The following TAF12 variants were observed in gnomAD, a reference collection of about 807,000 sequenced individuals.
TAF12 encodes the protein transcription initiation factor TFIID subunit 12.
A neutral mutation model predicts 20.8 loss-of-function variants in TAF12; 3 were observed. The ratio of observed to expected loss-of-function variants is 0.14; its 90% CI spans 0.07 to 0.37. TAF12 has a LOEUF of 0.37. Ranked by LOEUF, TAF12 falls within the 10% of genes least tolerant of loss-of-function variation. The pLI is 1.00. For synonymous variants in TAF12, 69 were observed against 70.2 expected (o/e 0.98, Z 0.09); for missense variants, 131 against 197.9 (o/e 0.66, Z 2.03).
rs1241899287 is a variant in TAF12, at chr1:28,621,991, T to C, written c.91A>G (p.Met31Val). The C allele has an allele frequency of 1.2e-6, 2 of 1,614,120 alleles. No individual in the cohort carries two copies. Among genetic ancestry groups the C allele is most frequent in the Non-Finnish European group, 1.7e-6 (2 of 1,180,026 alleles). ...TTTACCACTGCAGTACTATTGGCCA[T>C]GGAGCCTTGTGGAGGGGTGCTGGCT... is the stretch of plus-strand genomic sequence containing the variant. ...EPASTPPQGS[M>V]ANSTAVVKIP... The change falls in exon 2 of 6, where the codon ATG becomes GTG. Residue 31 changes from methionine (M) to valine (V), a missense_variant. Met to Val is a conservative substitution (Grantham distance 21, BLOSUM62 1). Coordinates refer to ENST00000373824, the MANE Select transcript of TAF12 (RefSeq NM_005644.4).
intron 1 of TAF12, chr1:28,642,629 C>T: frequency 1.0e-6 from 1 of 985,310 alleles, no homozygotes; most frequent in African/African-American, 1.7e-5. Flanking sequence ...TCTTAGGAGC[C>T]CAAGTCCTCA....
At chr1:28,632,876 AT>A (rs1463726290) in intron 1 of TAF12, among the ~76,000 whole-genome samples, 2 of 151,816 alleles carry the variant, frequency 1.3e-5, no homozygotes, top group African/African-American at 4.8e-5. Flanking sequence ...AAAAATATGT[AT>A]TTTTTTGGTG....
upstream of TAF12, chr1:28,643,448 C>A (rs1364022769): frequency 6.6e-6 from 1 of 152,140 alleles, no homozygotes; most frequent in Non-Finnish European, 1.5e-5. Context: ...GGACACATTA[C>A]CCCACAGGTA....
intron 2 of TAF12, among the ~76,000 whole-genome samples, chr1:28,619,350 T>G (rs534378655): frequency 6.7e-6 from 1 of 149,016 alleles, no homozygotes; most frequent in South Asian, 2.1e-4. Context: ...AAAAAAAAAT[T>G]AGCCAGGCGT....
intron 1 of TAF12, among the ~76,000 whole-genome samples, chr1:28,635,601 G>A (rs971542669): frequency 2.7e-5 from 4 of 148,470 alleles, no homozygotes; most frequent in Admixed American, 2.0e-4. Context: ...CACTGCACCC[G>A]GCCTATCCTC....
Position 28,605,423 on chromosome 1 carries a change from A to G in TAF12, c.399T>C (p.Ser133=), listed in dbSNP as rs750731720. Residue 133 remains serine (S), a synonymous_variant, in exon 5 of 6, where the codon TCT becomes TCC. Coordinates refer to ENST00000373824, the MANE Select transcript of TAF12 (RefSeq NM_005644.4). ...QWNMWIPGFG[S]EEIRPYKKAC... is the part of the protein sequence containing the mutation. ...CTTTTTTGTAGGGTCGGATTTCTTCAGAGCCAAATCCTGGGATCCACATGT... is the reference window on the plus strand; with the variant it reads ...CTTTTTTGTAGGGTCGGATTTCTTCGGAGCCAAATCCTGGGATCCACATGT... 6.2e-7 allele frequency: 1 copy of G among 1,614,008 alleles called. No individual in the cohort carries two copies. Among genetic ancestry groups the G allele is most frequent in the African/African-American group, 1.3e-5 (1 of 74,904 alleles).
At chr1:28,621,820 AAGC>A (rs1283809684) in intron 2 of TAF12, 91 bp downstream of exon 2, 19 of 1,510,174 alleles carry the variant, frequency 1.3e-5, no homozygotes, top group South Asian at 2.6e-5. Context: ...TAAGAGAAAA[AAGC>A]AGCATCTGAG....
intron 2 of TAF12, among the ~76,000 whole-genome samples, chr1:28,619,959 AAGAG>A (rs1182291595): frequency 3.8e-4 from 57 of 151,824 alleles, no homozygotes; most frequent in African/African-American, 1.3e-3. Context: ...AAAAAAAAAA[AAGAG>A]AGAGAGACAG....
rs1402711263 is a variant in TAF12 at position 28,633,440 on chromosome 1, T to G, written c.-85+9552A>C. 3.3e-4 allele frequency among the ~76,000 whole-genome samples: 49 copies of G among 148,428 alleles called. No individual in the cohort carries two copies. The East Asian group carries it at 0.01, about 30-fold the overall frequency. On this transcript the variant is annotated intron_variant, in intron 1 of 5. Coordinates refer to ENST00000373824, the MANE Select transcript of TAF12 (RefSeq NM_005644.4). ...GCCTCAGCCTCCCAAAGTGCTGGGATTACAGGCATGAGACACTGTATCCAA... is the reference window on the plus strand; with the variant it reads ...GCCTCAGCCTCCCAAAGTGCTGGGAGTACAGGCATGAGACACTGTATCCAA...
rs1667227570 is a variant in TAF12, at chr1:28,621,762, C to T, written c.168+152G>A. ...AATAAACTCTCTACTTATATTAAAACAAACAAAAAAAGTTAGAAATCCAAA... is the reference window on the plus strand; with the variant it reads ...AATAAACTCTCTACTTATATTAAAATAAACAAAAAAAGTTAGAAATCCAAA... On this transcript the variant is annotated intron_variant, in intron 2 of 5. Coordinates refer to ENST00000373824, the MANE Select transcript of TAF12 (RefSeq NM_005644.4). 9 of 1,234,678 alleles carry T rather than the reference C, an allele frequency of 7.3e-6. No homozygotes were observed. In the South Asian group the frequency reaches 1.5e-4, roughly 20 times the overall value. 76.5% of individuals were successfully genotyped at this position (1,234,678 alleles called of 1,614,324 possible). A position where few individuals can be genotyped will look rare whatever the true frequency, so the allele number is the denominator to read the frequency against.
intron 1 of TAF12, among the ~76,000 whole-genome samples, chr1:28,638,925 G>A (rs553860032): frequency 1.9e-3 from 286 of 150,840 alleles, no homozygotes; most frequent in African/African-American, 6.6e-3. Flanking sequence ...CCAAGTAGCT[G>A]CGACTATAGG....
At chr1:28,640,347 T>C (rs1248507331) in intron 1 of TAF12, among the ~76,000 whole-genome samples, 1 of 152,198 alleles carries the variant, frequency 6.6e-6, no homozygotes, top group Non-Finnish European at 1.5e-5. Flanking sequence ...AAGGAGGAGA[T>C]GCTTTCATTC....
chr1:28,642,529 C>T (rs1668072355), intron 1 of TAF12: 1 of 596,078 alleles, frequency 1.7e-6, no homozygotes, highest in South Asian at 7.3e-5. Context: ...CAAGTTTTCT[C>T]TGTCTGCTTC....
chr1:28,611,629 C>T (rs967014805), intron 4 of TAF12, among the ~76,000 whole-genome samples: 2 of 152,108 alleles, frequency 1.3e-5, no homozygotes, highest in South Asian at 4.1e-4. Flanking sequence ...CACAGAACAC[C>T]AAGGATTGCC....
intron 1 of TAF12, among the ~76,000 whole-genome samples, chr1:28,629,131 T>A (rs1300198957): frequency 6.6e-6 from 1 of 152,070 alleles, no homozygotes. Flanking sequence ...CATAAATTAT[T>A]CCTGGCAAGA....
At chr1:28,610,957 C>CAAAA (rs1170666206) in intron 4 of TAF12, among the ~76,000 whole-genome samples, 2 of 26,810 alleles carry the variant, frequency 7.5e-5, no homozygotes, top group African/African-American at 1.6e-4. Flanking sequence ...GAGACTGTCT[C>CAAAA]AAAAAAAAAA....
chr1:28,641,033 A>G (rs907462913), intron 1 of TAF12, among the ~76,000 whole-genome samples: 8 of 151,996 alleles, frequency 5.3e-5, no homozygotes, highest in Non-Finnish European at 5.9e-5. Context: ...ATGCCACTGC[A>G]CTCCAATATG....
At chr1:28,614,694 C>G (rs550293469) in intron 3 of TAF12, among the ~76,000 whole-genome samples, 1 of 148,166 alleles carries the variant, frequency 6.7e-6, no homozygotes, top group South Asian at 2.1e-4. Flanking sequence ...AAAAAGCAAG[C>G]AAGCAGAGGA....
chr1:28,646,008 T>C (rs1163574769), upstream of TAF12: 2 of 151,830 alleles, frequency 1.3e-5, no homozygotes, highest in Non-Finnish European at 2.9e-5. Context: ...TGTGGTGGCT[T>C]TACACCTGTA....
Sources: allele counts gnomAD v4.1 joint callset (sites outside exome capture counted in the v4.1 genomes callset), GRCh38; gene constraint gnomAD v4.1.1; transcripts MANE v1.5; gene names NCBI Gene and HGNC (gene_info 2026-07-23, HGNC 2026-07-21).